Variants in ADAMTS2 observed in about 807,000 individuals in gnomAD.
ADAMTS2 encodes the protein ADAM metallopeptidase with thrombospondin type 1 motif 2, also known as A disintegrin and metalloproteinase with thrombospondin motifs 2.
ADAMTS2 carries 50 observed loss-of-function variants against 123.0 expected under a neutral mutation model. The ratio of observed to expected loss-of-function variants is 0.41; its 90% CI spans 0.32 to 0.51. The LOEUF (loss-of-function observed/expected upper bound fraction) is 0.51. Among genes scored for constraint, ADAMTS2 ranks in the 20% least tolerant of loss-of-function variants. The pLI is 0.35. For missense variants in ADAMTS2, 1,494 were observed against 1,705.2 expected (o/e 0.88, Z 2.18); for synonymous variants, 678 against 695.4 (o/e 0.98, Z 0.39).
intron 3 of ADAMTS2, among the ~76,000 whole-genome samples, chr5:179,264,904 C>T (rs1581230606): frequency 6.8e-6 from 1 of 147,186 alleles, no homozygotes; most frequent in East Asian, 2.1e-4. Context: ...GACCCCTGCA[C>T]CAACAGCAGC....
At chr5:179,298,891 T>A (rs1447156318) in intron 2 of ADAMTS2, among the ~76,000 whole-genome samples, 1 of 152,082 alleles carries the variant, frequency 6.6e-6, no homozygotes, top group Non-Finnish European at 1.5e-5. Context: ...ACTCGGAAGT[T>A]TTTTCAACAT....
chr5:179,136,839 G>A (rs561848749), intron 12 of ADAMTS2, among the ~76,000 whole-genome samples: 50 of 151,972 alleles, frequency 3.3e-4, no homozygotes, highest in Non-Finnish European at 5.0e-4. Context: ...GTGTGGTGGC[G>A]TGCGCCTGAA....
chr5:179,114,063 G>C lies in ADAMTS2; in HGVS notation c.3440C>G (p.Ser1147Cys), dbSNP rs754973407. 2 of 1,614,028 alleles carry C rather than the reference G, an allele frequency of 1.2e-6. No individual in the cohort carries two copies. The highest frequency in any genetic ancestry group is 1.7e-5 in the Admixed American group (1 of 59,994). Reference protein sequence around the residue: ...STPLEVPLNASSTNATEDHPE... With the variant: ...STPLEVPLNACSTNATEDHPE... Reference sequence around the variant, plus strand: ...GTGATCCTCTGTGGCATTGGTGCTGGAGGCATTGAGAGGGACCTCCAGGGG... The same window carrying C: ...GTGATCCTCTGTGGCATTGGTGCTGCAGGCATTGAGAGGGACCTCCAGGGG... Residue 1147 changes from serine (S) to cysteine (C), a missense_variant, in exon 22 of 22, where the codon TCC becomes TGC. Ser to Cys is a moderately radical substitution (Grantham distance 112). This residue lies in a region of ADAMTS2 where 953 missense variants were observed against 1,124.7 expected (regional missense o/e 0.85). Transcript: ENST00000251582.
rs537329453 is a variant in ADAMTS2 at position 179,186,900 on chromosome 5, T to C, written c.892-5745A>G. 3.9e-5 allele frequency among the ~76,000 whole-genome samples: 5 copies of C among 129,600 alleles called. No individual in the cohort carries two copies. The East Asian group carries it at 1.0e-3, about 27-fold the overall frequency. 85.0% of individuals were successfully genotyped at this position (129,600 alleles called of 152,430 possible). On this transcript the variant is annotated intron_variant, in intron 4 of 21. Transcript: ENST00000251582. Reference sequence around the variant, plus strand: ...TCACCAAGCGGAATAGATCTCACCTTCCCCTTCCACTGTCTAAAACCCTCA... The same window carrying C: ...TCACCAAGCGGAATAGATCTCACCTCCCCCTTCCACTGTCTAAAACCCTCA...
chr5:179,225,151 G>C lies in ADAMTS2; in HGVS notation c.689-17436C>G, dbSNP rs556899819. 6.6e-6 allele frequency among the ~76,000 whole-genome samples: 1 copy of C among 152,160 alleles called. No homozygotes were observed. The highest frequency in any genetic ancestry group is 1.5e-5 in the Non-Finnish European group (1 of 68,032). The stretch of plus-strand genomic sequence containing the variant: ...CCACACGGCAACTAACACTCAGCAC[G>C]CACCAGGCTCCTCCTCCCTCTCATG... On this transcript the variant is annotated intron_variant, in intron 3 of 21. Coordinates refer to ENST00000251582, the MANE Select transcript of ADAMTS2 (RefSeq NM_014244.5). This position sits in a 1 kb window ranked among gnomAD's most constrained non-coding sequence, Gnocchi z 4.5.
At chr5:179,163,961 C>A (rs550461423) in intron 5 of ADAMTS2, among the ~76,000 whole-genome samples, 2 of 152,140 alleles carry the variant, frequency 1.3e-5, no homozygotes, top group South Asian at 4.2e-4. Context: ...GGAAGCTGCA[C>A]TGGGGCCAGG....
rs181514654 is a variant in ADAMTS2, at chr5:179,187,101, G to C, written c.892-5946C>G. On this transcript the variant is annotated intron_variant, in intron 4 of 21. Transcript: ENST00000251582. Reference sequence around the variant, plus strand: ...CCAGAGCCGGCTGCCCTCTCCTGCTGCCTGTGCTTTGGTTCAGGCCTGGAA... The same window carrying C: ...CCAGAGCCGGCTGCCCTCTCCTGCTCCCTGTGCTTTGGTTCAGGCCTGGAA... 6.2e-3 allele frequency among the ~76,000 whole-genome samples: 941 copies of C among 152,182 alleles called. 14 individuals carry two copies. Among genetic ancestry groups the C allele is most frequent in the African/African-American group, 0.021 (878 of 41,492 alleles).
At position 179,162,555 on chromosome 5, in the gene ADAMTS2, G is replaced by A. The variant is rs556961019; in HGVS notation, c.976-3676C>T. Among the ~76,000 whole-genome samples, 68 of 152,274 alleles carry A rather than the reference G, an allele frequency of 4.5e-4. No individual in the cohort carries two copies. Among genetic ancestry groups the A allele is most frequent in the African/African-American group, 1.4e-3 (60 of 41,564 alleles). On this transcript the variant is annotated intron_variant, in intron 5 of 21. Coordinates refer to ENST00000251582, the MANE Select transcript of ADAMTS2 (RefSeq NM_014244.5). The surrounding 1 kb of genome is among the most constrained non-coding windows in gnomAD (Gnocchi z 5.1). ...CAGCTGAGCTGTTGCACACCATACC[G>A]TATGGGCCCCTCCTGGGGCCGTCAC...
Position 179,303,426 on chromosome 5 carries a change from T to C in ADAMTS2, c.535-30362A>G, listed in dbSNP as rs996474235. On this transcript the variant is annotated intron_variant, in intron 2 of 21. Transcript: ENST00000251582. This position sits in a 1 kb window ranked among gnomAD's most constrained non-coding sequence, Gnocchi z 4.7. ...TGCAAAATAAATAACAGCATGCAGA[T>C]TGGGGAAGAAGACTAGAATGTGAGG... Among the ~76,000 whole-genome samples the C allele has an allele frequency of 4.6e-5, 7 of 152,022 alleles. No individual in the cohort carries two copies. The highest frequency in any genetic ancestry group is 8.8e-5 in the Non-Finnish European group (6 of 68,012).
chr5:179,203,035 C>T (rs1306625342), intron 4 of ADAMTS2, among the ~76,000 whole-genome samples: 2 of 152,194 alleles, frequency 1.3e-5, no homozygotes, highest in Non-Finnish European at 2.9e-5. Context: ...GGCTCTGCCA[C>T]AAAGAGATCC....
intron 2 of ADAMTS2, among the ~76,000 whole-genome samples, chr5:179,338,253 C>T (rs866914327): frequency 2.0e-5 from 3 of 152,148 alleles, no homozygotes; most frequent in Non-Finnish European, 4.4e-5. Flanking sequence ...CCAGGAGAGA[C>T]GCCAGCCCAC....
At chr5:179,219,337 A>G (rs1444213296) in intron 3 of ADAMTS2, among the ~76,000 whole-genome samples, 1 of 152,200 alleles carries the variant, frequency 6.6e-6, no homozygotes, top group Non-Finnish European at 1.5e-5. Context: ...AGGTCAATTC[A>G]TTTAGCTCTC....
chr5:179,226,413 C>T (rs1329365055), intron 3 of ADAMTS2, among the ~76,000 whole-genome samples: 1 of 149,624 alleles, frequency 6.7e-6, no homozygotes, highest in Non-Finnish European at 1.5e-5. Flanking sequence ...ATTACAGGTG[C>T]CTGCTATCAT....
chr5:179,140,799 CTTTTTTT>C (rs770094463), intron 10 of ADAMTS2, among the ~76,000 whole-genome samples: 1 of 90,464 alleles, frequency 1.1e-5, no homozygotes, highest in African/African-American at 4.4e-5. Flanking sequence ...ACTGCATGCT[CTTTTTTT>C]TTTTTTTTTT....
At chr5:179,273,113 A>G (rs1434395976) in intron 2 of ADAMTS2, 49 bp from the exon 3 acceptor site, 3 of 1,612,584 alleles carry the variant, frequency 1.9e-6, no homozygotes, top group Non-Finnish European at 2.5e-6. Flanking sequence ...CAAAAGACCA[A>G]GGAAGGGGAA....
chr5:179,181,238 C>T lies in ADAMTS2; in HGVS notation c.892-83G>A. ...CTGCCAATGGGATGACCCCCACCTG[C>T]TCCTTCTTCTTCCCATGCTTTCCAC... On this transcript the variant is annotated intron_variant, in intron 4 of 21. Coordinates refer to ENST00000251582, the MANE Select transcript of ADAMTS2 (RefSeq NM_014244.5). This position sits in a 1 kb window ranked among gnomAD's most constrained non-coding sequence, Gnocchi z 4.1. 2.1e-6 allele frequency: 2 copies of T among 975,096 alleles called. No individual in the cohort carries two copies. Among genetic ancestry groups the T allele is most frequent in the Non-Finnish European group, 3.3e-6 (2 of 605,220 alleles). 60.4% of individuals were successfully genotyped at this position (975,096 alleles called of 1,614,324 possible).
intron 5 of ADAMTS2, among the ~76,000 whole-genome samples, chr5:179,164,353 C>G (rs149414554): frequency 6.6e-6 from 1 of 152,156 alleles, no homozygotes. Context: ...CCCTTTGGGT[C>G]AGTGAGGAAG....
chr5:179,345,076 G>A lies in ADAMTS2; in HGVS notation c.139+114C>T. 4.9e-6 allele frequency: 4 copies of A among 822,670 alleles called. No homozygotes were observed. Among genetic ancestry groups the A allele is most frequent in the Non-Finnish European group, 6.0e-6 (4 of 670,540 alleles). 51.0% of individuals were successfully genotyped at this position (822,670 alleles called of 1,614,324 possible). A position where few individuals can be genotyped will look rare whatever the true frequency, so the allele number is the denominator to read the frequency against. ...TGGCCAACTTGGCCCCGGGCGGGGCGCGCGGAGTTTGCCCAAGTCAGGCTG... is the reference window on the plus strand; with the variant it reads ...TGGCCAACTTGGCCCCGGGCGGGGCACGCGGAGTTTGCCCAAGTCAGGCTG... On this transcript the variant is annotated intron_variant, in intron 1 of 21. Coordinates refer to ENST00000251582, the MANE Select transcript of ADAMTS2 (RefSeq NM_014244.5). This position sits in a 1 kb window ranked among gnomAD's most constrained non-coding sequence, Gnocchi z 7.5.
chr5:179,283,124 C>T (rs1461265041), intron 2 of ADAMTS2, among the ~76,000 whole-genome samples: 1 of 151,968 alleles, frequency 6.6e-6, no homozygotes, highest in Non-Finnish European at 1.5e-5. Flanking sequence ...AGACACCTGG[C>T]AAGTGGGGAA....
Sources: gnomAD v4.1 joint callset for allele counts (sites outside exome capture counted in the v4.1 genomes callset) on GRCh38, gnomAD v4.1.1 for gene constraint, gnomAD v4.1.1 regional missense constraint, Gnocchi (gnomAD v3.1) non-coding constraint, MANE v1.5 for transcripts, NCBI Gene and HGNC (gene_info 2026-07-23, HGNC 2026-07-21) for gene names.